IL15RA: variants seen among roughly 807,000 people sequenced by gnomAD.
The protein encoded by IL15RA is interleukin 15 receptor subunit alpha, also known as interleukin-15 receptor subunit alpha.
A neutral mutation model predicts 24.2 loss-of-function variants in IL15RA; 26 were observed. That is an observed-to-expected ratio of 1.07 (90% CI 0.79 to 1.49). IL15RA has a LOEUF of 1.49. IL15RA is among the 40% of genes most tolerant of loss of function. The pLI, the probability that IL15RA is intolerant of heterozygous loss-of-function variation, is 0.00. For missense variants in IL15RA, 354 were observed against 356.4 expected, an observed-to-expected ratio of 0.99 and a Z score of 0.05; for synonymous variants, 166 against 157.6, an observed-to-expected ratio of 1.05 and a Z score of -0.40.
chr10:5,956,872 G>A (rs137927627), intron 5 of IL15RA, among the ~76,000 whole-genome samples: 4 of 151,830 alleles, frequency 2.6e-5, no homozygotes, highest in South Asian at 2.1e-4. Flanking sequence ...CCAGTACAAC[G>A]CCCACTTTGC....
At position 5,968,624 on chromosome 10, in the gene IL15RA, G is replaced by C. The variant is rs1837022763; in HGVS notation, c.89-2285C>G. On this transcript the variant is annotated intron_variant, in intron 1 of 6. Transcript: ENST00000379977. This position sits in a 1 kb window ranked among gnomAD's most constrained non-coding sequence, Gnocchi z 5.4. ...GAGCCCCACTGGCTTTGAGGCCTCT[G>C]GTGCTATCTGGTGCTGGAGTGTCAG... is the stretch of plus-strand genomic sequence containing the variant. 2 of 606,042 alleles carry C rather than the reference G, an allele frequency of 3.3e-6. No homozygotes were observed. Among genetic ancestry groups the C allele is most frequent in the Non-Finnish European group, 5.9e-6 (2 of 338,242 alleles). 37.5% of individuals were successfully genotyped at this position (606,042 alleles called of 1,614,324 possible).
upstream of IL15RA, among the ~76,000 whole-genome samples, chr10:5,978,606 A>C (rs1229228947): frequency 6.6e-6 from 1 of 152,236 alleles, no homozygotes; most frequent in Non-Finnish European, 1.5e-5. The surrounding 1 kb of genome is among the most constrained non-coding windows in gnomAD (Gnocchi z 5.2). Flanking sequence ...GTTAAATAAA[A>C]GAATTTAGGG....
Position 5,960,312 on chromosome 10 carries a change from A to G in IL15RA, c.583+55T>C. ...TGCCTTGTGCCGGATCTCAGCCCCG[A>G]TCTCAGAAGCAGCAATGGGGAACTG... On this transcript the variant is annotated intron_variant, in intron 4 of 6. Coordinates refer to ENST00000379977, the MANE Select transcript of IL15RA (RefSeq NM_002189.4). This position sits in a 1 kb window ranked among gnomAD's most constrained non-coding sequence, Gnocchi z 5.1. 6.8e-7 allele frequency: 1 copy of G among 1,477,100 alleles called. No individual in the cohort carries two copies. The highest frequency in any genetic ancestry group is 1.1e-5 in the South Asian group (1 of 88,082). The allele number at this position is 1,477,100 out of a possible 1,614,324, so 91.5% of individuals were successfully genotyped here. A position where few individuals can be genotyped will look rare whatever the true frequency, so the allele number is the denominator to read the frequency against.
In IL15RA at chr10:5,977,474, G is replaced by T; in HGVS notation, c.19C>A (p.Arg7Ser). 7.4e-7 allele frequency: 1 copy of T among 1,356,290 alleles called. No homozygotes were observed. The highest frequency in any genetic ancestry group is 9.5e-7 in the Non-Finnish European group (1 of 1,056,268). 84.0% of individuals were successfully genotyped at this position (1,356,290 alleles called of 1,614,324 possible). The change falls in exon 1 of 7, where the codon CGC becomes AGC. Residue 7 changes from arginine to serine, a missense_variant. Physicochemically the swap from Arg to Ser is moderately radical, Grantham distance 110. Coordinates refer to ENST00000379977, the MANE Select transcript of IL15RA (RefSeq NM_002189.4). MAPRRA[R>S]GCRTLGLPAL... ...GGGAGACCGAGGGTCCGGCAGCCGC[G>T]CGCCCGCCGCGGGGCCATGGCGGCA...
chr10:5,953,289 G>A lies in IL15RA; in HGVS notation c.693-83C>T. ...CAGACGCTTCCCACTGAGCATGTAT[G>A]TCCAGCACTGCGGGGATGGCAGGAG... On this transcript the variant is annotated intron_variant, in intron 6 of 6. Coordinates refer to ENST00000379977, the MANE Select transcript of IL15RA (RefSeq NM_002189.4). This position sits in a 1 kb window ranked among gnomAD's most constrained non-coding sequence, Gnocchi z 5.3. 1 of 969,066 alleles carries A rather than the reference G, an allele frequency of 1.0e-6. No homozygotes were observed. The highest frequency in any genetic ancestry group is 1.7e-6 in the Non-Finnish European group (1 of 599,682). 60.0% of individuals were successfully genotyped at this position (969,066 alleles called of 1,614,324 possible).
chr10:5,960,425 G>C lies in IL15RA; in HGVS notation c.525C>G (p.Pro175=), dbSNP rs1055365989. ...CCCAGTTCTTGGCTGTTGTCTGAGA[G>C]GGGGTGCCGTGGGAGGACTCATGAC... ...ISSHESSHGT[P]SQTTAKNWEL... Residue 175 remains proline, a synonymous_variant, in exon 4 of 7, where the codon CCC becomes CCG. Coordinates refer to ENST00000379977, the MANE Select transcript of IL15RA (RefSeq NM_002189.4). This position sits in a 1 kb window ranked among gnomAD's most constrained non-coding sequence, Gnocchi z 5.1. The C allele has an allele frequency of 1.9e-6, 3 of 1,613,796 alleles. No individual in the cohort carries two copies. The highest frequency in any genetic ancestry group is 2.2e-5 in the East Asian group (1 of 44,878).
chr10:5,949,143 G>C (rs1449226979), downstream of IL15RA: 2 of 452,256 alleles, frequency 4.4e-6, no homozygotes, highest in African/African-American at 4.0e-5. This position sits in a 1 kb window ranked among gnomAD's most constrained non-coding sequence, Gnocchi z 4.4. Flanking sequence ...TCATTGGGAG[G>C]AGCCCAAACG....
At chr10:5,949,768 T>C (rs962803567), downstream of IL15RA, among the ~76,000 whole-genome samples, 3 of 152,104 alleles carry the variant, frequency 2.0e-5, no homozygotes, top group Non-Finnish European at 2.9e-5. The surrounding 1 kb of genome is among the most constrained non-coding windows in gnomAD (Gnocchi z 4.4). Flanking sequence ...ATAAAGAACG[T>C]AAGTGGTTTT....
chr10:5,961,989 C>T lies in IL15RA; in HGVS notation c.383-1422G>A, dbSNP rs1178233463. Among the ~76,000 whole-genome samples the T allele has an allele frequency of 3.3e-5, 5 of 152,232 alleles. No individual in the cohort carries two copies. Among genetic ancestry groups the T allele is most frequent in the African/African-American group, 7.2e-5 (3 of 41,466 alleles). On this transcript the variant is annotated intron_variant, in intron 3 of 6. Coordinates refer to ENST00000379977, the MANE Select transcript of IL15RA (RefSeq NM_002189.4). This position sits in a 1 kb window ranked among gnomAD's most constrained non-coding sequence, Gnocchi z 5.2. ...CAAGGCATCCTCAGCCAAGTGCCCA[C>T]GGTCGTGCCAGCTCGGGTCAAAGGC...
At chr10:5,949,297 G>C (rs1460250644), downstream of IL15RA, 1 of 471,206 alleles carries the variant, frequency 2.1e-6, no homozygotes. The surrounding 1 kb of genome is among the most constrained non-coding windows in gnomAD (Gnocchi z 4.4). Flanking sequence ...GTTTCATCCT[G>C]AATAGCTAAG....
chr10:5,949,030 T>A (rs749923492), downstream of IL15RA: 36 of 338,936 alleles, frequency 1.1e-4, no homozygotes, highest in Non-Finnish European at 1.8e-4. This position sits in a 1 kb window ranked among gnomAD's most constrained non-coding sequence, Gnocchi z 4.4. Context: ...GAGATGAGTT[T>A]TCTTCTTCCT....
intron 6 of IL15RA, 77 bp downstream of exon 6, chr10:5,956,302 A>T: frequency 1.7e-6 from 2 of 1,168,048 alleles, no homozygotes; most frequent in Non-Finnish European, 2.5e-6. Context: ...GGCGTGAGCT[A>T]CCGCGCCCGG....
Position 5,975,547 on chromosome 10 carries a change from G to A in IL15RA, c.88+1858C>T, listed in dbSNP as rs926455649. Among the ~76,000 whole-genome samples the A allele has an allele frequency of 7.2e-5, 11 of 151,750 alleles. No individual in the cohort carries two copies. The highest frequency in any genetic ancestry group is 4.6e-4 in the Admixed American group (7 of 15,226). On this transcript the variant is annotated intron_variant, in intron 1 of 6. Transcript: ENST00000379977. The surrounding 1 kb of genome is among the most constrained non-coding windows in gnomAD (Gnocchi z 4.8). ...ATCAAAGTGTGCAACTTCAATATATGCAGTTTATTGTCGGTCAATTATACC... is the reference window on the plus strand; with the variant it reads ...ATCAAAGTGTGCAACTTCAATATATACAGTTTATTGTCGGTCAATTATACC...
rs2132787929 is a variant in IL15RA, at chr10:5,977,524, C to T, written c.-32G>A. Reference sequence around the variant, plus strand: ...AGCTCCACAGGACACCGCTGGACTCCCCGGGCGAGCGCTGCCCAGGCCGGG... The same window carrying T: ...AGCTCCACAGGACACCGCTGGACTCTCCGGGCGAGCGCTGCCCAGGCCGGG... On this transcript the variant is annotated 5_prime_UTR_variant, in exon 1 of 7. Transcript: ENST00000379977. The T allele has an allele frequency of 2.3e-6, 3 of 1,311,758 alleles. No individual in the cohort carries two copies. Among genetic ancestry groups the T allele is most frequent in the East Asian group, 3.1e-5 (1 of 31,942 alleles). 81.3% of individuals were successfully genotyped at this position (1,311,758 alleles called of 1,614,324 possible).
At chr10:5,977,622 C>T (rs1471869304), upstream of IL15RA, 17 of 1,262,642 alleles carry the variant, frequency 1.3e-5, no homozygotes, top group South Asian at 2.6e-4. Context: ...GCTTTGGCCC[C>T]CGAGGGCTCG....
chr10:5,949,771 G>A (rs12242172), downstream of IL15RA, among the ~76,000 whole-genome samples: 9,323 of 152,158 alleles, frequency 0.061, 506 homozygotes, highest in African/African-American at 0.15. This position sits in a 1 kb window ranked among gnomAD's most constrained non-coding sequence, Gnocchi z 4.4. Flanking sequence ...AAGAACGTAA[G>A]TGGTTTTAAA....
rs772182206 is a variant in IL15RA at position 5,962,094 on chromosome 10, G to A, written c.383-1527C>T. On this transcript the variant is annotated intron_variant, in intron 3 of 6. Transcript: ENST00000379977. The surrounding 1 kb of genome is among the most constrained non-coding windows in gnomAD (Gnocchi z 5.2). ...GACCAGGTATTGGGGATGCGAAGGT[G>A]GGGCTGGGAGAGCCTACTTGATCAT... is the stretch of plus-strand genomic sequence containing the variant. Among the ~76,000 whole-genome samples, 4 of 152,186 alleles carry A rather than the reference G, an allele frequency of 2.6e-5. No homozygotes were observed. The highest frequency in any genetic ancestry group is 4.4e-5 in the Non-Finnish European group (3 of 68,040).
Position 5,970,352 on chromosome 10 carries a change from A to C in IL15RA, c.89-4013T>G, listed in dbSNP as rs1837373045. Among the ~76,000 whole-genome samples, 1 of 152,178 alleles carries C rather than the reference A, an allele frequency of 6.6e-6. No individual in the cohort carries two copies. ...GCTTTGACATATGTTATACCCCATG[A>C]CACATTGTTATTATTTTGCTTTAAA... On this transcript the variant is annotated intron_variant, in intron 1 of 6. Coordinates refer to ENST00000379977, the MANE Select transcript of IL15RA (RefSeq NM_002189.4). This position sits in a 1 kb window ranked among gnomAD's most constrained non-coding sequence, Gnocchi z 4.1.
rs1834084796 is a variant in IL15RA, at chr10:5,953,424, C to A, written c.693-218G>T. Reference sequence around the variant, plus strand: ...AGTGTATTAAATCCTATCTAGGGGCCAGGTGTGGTGGCGCATGCCTGTAAT... The same window carrying A: ...AGTGTATTAAATCCTATCTAGGGGCAAGGTGTGGTGGCGCATGCCTGTAAT... On this transcript the variant is annotated intron_variant, in intron 6 of 6. Coordinates refer to ENST00000379977, the MANE Select transcript of IL15RA (RefSeq NM_002189.4). The surrounding 1 kb of genome is among the most constrained non-coding windows in gnomAD (Gnocchi z 5.3). The A allele has an allele frequency of 2.9e-6, 2 of 697,626 alleles. No homozygotes were observed. The highest frequency in any genetic ancestry group is 4.0e-5 in the Admixed American group (2 of 49,568). 43.2% of individuals were successfully genotyped at this position (697,626 alleles called of 1,614,324 possible).
Sources: allele counts gnomAD v4.1 joint callset (sites outside exome capture counted in the v4.1 genomes callset), GRCh38; gene constraint gnomAD v4.1.1; non-coding constraint Gnocchi (gnomAD v3.1); transcripts MANE v1.5; gene names NCBI Gene and HGNC (gene_info 2026-07-23, HGNC 2026-07-21).